The following HMGA2 variants were observed in gnomAD, a reference collection of about 807,000 sequenced individuals.
HMGA2 encodes the protein high mobility group protein HMGI-C.
In HMGA2, 8 loss-of-function variants were observed where a neutral mutation model predicts 19.1. That is an observed-to-expected ratio of 0.42 (90% CI 0.25 to 0.76). The LOEUF (loss-of-function observed/expected upper bound fraction) is 0.76, where lower values mean the gene tolerates loss of function less well. Among genes scored for constraint, HMGA2 ranks in the 30% least tolerant of loss-of-function variants. The pLI is 0.28. For missense variants in HMGA2, 109 were observed against 136.3 expected (o/e 0.80, Z 1.00); for synonymous variants, 60 against 48.8 (o/e 1.23, Z -0.96).
intron 3 of HMGA2, among the ~76,000 whole-genome samples, chr12:65,839,168 T>C (rs983822065): frequency 6.6e-6 from 1 of 152,008 alleles, no homozygotes; most frequent in Non-Finnish European, 1.5e-5. Flanking sequence ...GATAGCTGTA[T>C]CCATACAAGT....
chr12:65,827,349 TG>T (rs1317090749), intron 1 of HMGA2, among the ~76,000 whole-genome samples: 1 of 152,174 alleles, frequency 6.6e-6, no homozygotes, highest in Non-Finnish European at 1.5e-5. Flanking sequence ...CAAAAGGAAG[TG>T]GAGAATTGAA....
At chr12:65,896,644 G>T (rs1874143598) in intron 3 of HMGA2, among the ~76,000 whole-genome samples, 1 of 152,180 alleles carries the variant, frequency 6.6e-6, no homozygotes, top group African/African-American at 2.4e-5. Flanking sequence ...GACCTTTGCT[G>T]CTACTCGTAA....
chr12:65,828,317 A>C (rs934678155), intron 2 of HMGA2: 11 of 370,510 alleles, frequency 3.0e-5, no homozygotes, highest in Non-Finnish European at 5.6e-5. Context: ...TTAAACAAAC[A>C]GCCACCAAAT....
chr12:65,872,504 G>GTC (rs1398856231), intron 3 of HMGA2, among the ~76,000 whole-genome samples: 1 of 152,058 alleles, frequency 6.6e-6, no homozygotes, highest in Admixed American at 6.6e-5. Context: ...GACTGTATTC[G>GTC]TAGCTTATCT....
Position 65,963,332 on chromosome 12 carries a change from A to G in HMGA2, c.*40A>G, listed in dbSNP as rs1210955843. The G allele has an allele frequency of 6.4e-7, 1 of 1,557,982 alleles. No homozygotes were observed. Among genetic ancestry groups the G allele is most frequent in the African/African-American group, 1.4e-5 (1 of 72,172 alleles). Reference sequence around the variant, plus strand: ...CGATTTCTACCTCAGCAGCAGTTGGATCTTTTGAAGGGAGAAGACACTGCA... The same window carrying G: ...CGATTTCTACCTCAGCAGCAGTTGGGTCTTTTGAAGGGAGAAGACACTGCA... On this transcript the variant is annotated 3_prime_UTR_variant, in exon 5 of 5. Transcript: ENST00000403681.
chr12:65,939,020 A>G (rs1310918232), intron 3 of HMGA2, among the ~76,000 whole-genome samples: 5 of 152,212 alleles, frequency 3.3e-5, no homozygotes, highest in Non-Finnish European at 7.3e-5. Flanking sequence ...GGTATGACTC[A>G]GCGCTTGAGG....
intron 3 of HMGA2, among the ~76,000 whole-genome samples, chr12:65,883,369 C>T (rs769077799): frequency 1.5e-4 from 23 of 152,182 alleles, no homozygotes; most frequent in Non-Finnish European, 3.1e-4. Context: ...ATAAGGATAA[C>T]AACAATACCA....
intron 3 of HMGA2, among the ~76,000 whole-genome samples, chr12:65,938,039 A>G (rs1292997615): frequency 6.6e-6 from 1 of 152,118 alleles, no homozygotes; most frequent in Non-Finnish European, 1.5e-5. Flanking sequence ...CCCCTTGCAA[A>G]GCAGGTCTGG....
intron 3 of HMGA2, chr12:65,842,817 C>G: frequency 7.3e-7 from 1 of 1,368,112 alleles, no homozygotes; most frequent in East Asian, 2.6e-5. Flanking sequence ...AGGAAAGGAG[C>G]TCGTCACATA....
intron 3 of HMGA2, among the ~76,000 whole-genome samples, chr12:65,854,019 C>A (rs894681033): frequency 6.6e-6 from 1 of 152,200 alleles, no homozygotes; most frequent in African/African-American, 2.4e-5. Context: ...TGAGTTTTAA[C>A]TTAATGCAGA....
At chr12:65,886,519 C>T (rs1054021316) in intron 3 of HMGA2, among the ~76,000 whole-genome samples, 3 of 152,048 alleles carry the variant, frequency 2.0e-5, no homozygotes, top group African/African-American at 4.8e-5. Context: ...TCCCCATGCC[C>T]GGCTAATATT....
At chr12:65,914,957 G>C (rs1189093516) in intron 3 of HMGA2, 2 of 1,514,940 alleles carry the variant, frequency 1.3e-6, no homozygotes, top group South Asian at 2.3e-5. Context: ...ATACAGGCGT[G>C]AGCCATCGTG....
intron 3 of HMGA2, among the ~76,000 whole-genome samples, chr12:65,907,984 A>T (rs1238726229): frequency 6.6e-6 from 1 of 152,040 alleles, no homozygotes; most frequent in African/African-American, 2.4e-5. Flanking sequence ...ACACTTAATT[A>T]CTCAAATCTT....
At position 65,825,159 on chromosome 12, in the gene HMGA2, C is replaced by A; in HGVS notation, c.-112C>A. 1.1e-6 allele frequency: 1 copy of A among 893,948 alleles called. No individual in the cohort carries two copies. Among genetic ancestry groups the A allele is most frequent in the East Asian group, 3.2e-5 (1 of 30,992 alleles). 55.4% of individuals were successfully genotyped at this position (893,948 alleles called of 1,614,324 possible). ...CCCTCGCAGCCCGCCAGCTCGCGCT[C>A]GCCCCGCCGGCGTCCCCAGCCCTAT... On this transcript the variant is annotated 5_prime_UTR_variant, in exon 1 of 5. Coordinates refer to ENST00000403681, the MANE Select transcript of HMGA2 (RefSeq NM_003483.6). This position sits in a 1 kb window ranked among gnomAD's most constrained non-coding sequence, Gnocchi z 4.4.
chr12:65,824,682 G>T lies in HMGA2; in HGVS notation c.-589G>T, dbSNP rs1297529436. On this transcript the variant is annotated 5_prime_UTR_variant, in exon 1 of 5. Transcript: ENST00000403681. ...GTCTCCCCATCCTCCTTTGCTTTCC[G>T]ACTGCCCAAGGCACTTTCAATCTCA... The T allele has an allele frequency of 9.0e-6, 2 of 221,336 alleles. No individual in the cohort carries two copies. Among genetic ancestry groups the T allele is most frequent in the African/African-American group, 4.8e-5 (2 of 41,906 alleles). The allele number at this position is 221,336 out of a possible 1,614,324, so 13.7% of individuals were successfully genotyped here. A position where few individuals can be genotyped will look rare whatever the true frequency, so the allele number is the denominator to read the frequency against.
At chr12:65,859,359 T>G (rs970142362) in intron 3 of HMGA2, 2 of 152,230 alleles carry the variant, frequency 1.3e-5, no homozygotes, top group African/African-American at 2.4e-5. Flanking sequence ...ATGTGTGTCC[T>G]GAGGCCACTT....
chr12:65,955,738 A>C (rs1413940453), intron 4 of HMGA2: 1 of 152,142 alleles, frequency 6.6e-6, no homozygotes, highest in African/African-American at 2.4e-5. Context: ...TTTCTGTTTC[A>C]AAAAAAGAGT....
intron 4 of HMGA2, among the ~76,000 whole-genome samples, chr12:65,960,543 C>A (rs1876723761): frequency 6.6e-6 from 1 of 152,198 alleles, no homozygotes; most frequent in Non-Finnish European, 1.5e-5. Flanking sequence ...CCTGCCCCAC[C>A]ACATCAACCC....
chr12:65,949,763 T>C (rs896019837), intron 3 of HMGA2, among the ~76,000 whole-genome samples: 20 of 152,220 alleles, frequency 1.3e-4, no homozygotes, highest in African/African-American at 4.8e-4. Flanking sequence ...CTTCCCATGA[T>C]ACCACGAAGA....
Sources: allele counts gnomAD v4.1 joint callset (sites outside exome capture counted in the v4.1 genomes callset), GRCh38; gene constraint gnomAD v4.1.1; non-coding constraint Gnocchi (gnomAD v3.1); transcripts MANE v1.5; gene names NCBI Gene and HGNC (gene_info 2026-07-23, HGNC 2026-07-21).